The following NFIB variants were observed in gnomAD, a reference collection of about 807,000 sequenced individuals.
NFIB encodes nuclear factor I B.
NFIB carries 11 observed loss-of-function variants against 61.5 expected under a neutral mutation model. That is an observed-to-expected ratio of 0.18 (90% CI 0.11 to 0.30). The LOEUF is 0.30. NFIB is among the 10% of genes least tolerant of loss of function. The pLI is 1.00. For synonymous variants in NFIB, 260 were observed against 216.5 expected (o/e 1.20, Z -1.76); for missense variants, 471 against 608.9 (o/e 0.77, Z 2.38).
chr9:14,383,565 AG>A (rs768408080), intron 1 of NFIB, among the ~76,000 whole-genome samples: 14 of 152,290 alleles, frequency 9.2e-5, no homozygotes, highest in Non-Finnish European at 1.8e-4. Flanking sequence ...TTCCTTTATA[AG>A]GGTGGTTTAC....
At chr9:14,160,611 G>A (rs1363713068) in intron 3 of NFIB, among the ~76,000 whole-genome samples, 1 of 152,070 alleles carries the variant, frequency 6.6e-6, no homozygotes, top group Non-Finnish European at 1.5e-5. Context: ...AAAGGCATGT[G>A]AAATTTTGCA....
intron 2 of NFIB, among the ~76,000 whole-genome samples, chr9:14,200,542 T>G (rs905727710): frequency 6.6e-6 from 1 of 152,202 alleles, no homozygotes; most frequent in Admixed American, 6.5e-5. Context: ...AAAACACGAC[T>G]TGACTTTCCC....
intron 10 of NFIB, among the ~76,000 whole-genome samples, chr9:14,091,787 A>G (rs183048579): frequency 6.6e-6 from 1 of 152,138 alleles, no homozygotes; most frequent in East Asian, 1.9e-4. Context: ...GAAAAGATAT[A>G]ATTACTTTGC....
chr9:14,082,781 A>G lies in NFIB; in HGVS notation c.*5528T>C, dbSNP rs2032204805. 1 of 199,398 alleles carries G rather than the reference A, an allele frequency of 5.0e-6. No homozygotes were observed. The highest frequency in any genetic ancestry group is 1.9e-4 in the South Asian group (1 of 5,208). The allele number at this position is 199,398 out of a possible 1,614,324, so 12.4% of individuals were successfully genotyped here. A position where few individuals can be genotyped will look rare whatever the true frequency, so the allele number is the denominator to read the frequency against. ...AAAGCCATACTTCTTAAAAAAAAAA[A>G]AAAGAAAAAAAAAGACTTCCTTCTG... is the stretch of plus-strand genomic sequence containing the variant. On this transcript the variant is annotated 3_prime_UTR_variant, in exon 11 of 11. Coordinates refer to ENST00000380953, the MANE Select transcript of NFIB (RefSeq NM_001190737.2).
intron 1 of NFIB, among the ~76,000 whole-genome samples, chr9:14,309,340 G>A (rs2060177364): frequency 6.6e-6 from 1 of 152,184 alleles, no homozygotes; most frequent in South Asian, 2.1e-4. Flanking sequence ...TATGGAAGGA[G>A]TACATGTCCC....
At chr9:14,376,165 ATCCTCC>A (rs2061417037) in intron 1 of NFIB, among the ~76,000 whole-genome samples, 1 of 152,102 alleles carries the variant, frequency 6.6e-6, no homozygotes, top group South Asian at 2.1e-4. Flanking sequence ...GGCTCAAGTG[ATCCTCC>A]CACTTCAGCC....
chr9:14,327,123 CA>C (rs1461352502), intron 1 of NFIB, among the ~76,000 whole-genome samples: 1 of 151,538 alleles, frequency 6.6e-6, no homozygotes, highest in Non-Finnish European at 1.5e-5. Context: ...TAACCATTTT[CA>C]AAAAACAGAG....
At chr9:14,459,855 A>G in the NFIB span, among the ~76,000 whole-genome samples, 1 of 151,126 alleles carries the variant, frequency 6.6e-6, no homozygotes, top group Non-Finnish European at 1.5e-5. Flanking sequence ...GATCATTAAA[A>G]AGTCAGGAAA....
At chr9:14,457,517 A>C in the NFIB span, among the ~76,000 whole-genome samples, 1 of 151,918 alleles carries the variant, frequency 6.6e-6, no homozygotes, top group Non-Finnish European at 1.5e-5. Context: ...AAGATCAGAG[A>C]AGAACTGAAG....
At chr9:14,157,804 A>T (rs2043611568) in intron 3 of NFIB, among the ~76,000 whole-genome samples, 1 of 152,168 alleles carries the variant, frequency 6.6e-6, no homozygotes, top group Admixed American at 6.6e-5. Context: ...ATAGTTCATT[A>T]TACTTTATTT....
rs980240526 is a variant in NFIB at position 14,329,465 on chromosome 9, C to T, written c.109-21945G>A. On this transcript the variant is annotated intron_variant, in intron 1 of 8. Transcript: ENST00000380934. ...GTCCACATGCCAAACACCTGACCCC[C>T]CTGCAAATCCTGGGCCCACTCACAG... Among the ~76,000 whole-genome samples the T allele has an allele frequency of 3.9e-5, 6 of 152,242 alleles. No individual in the cohort carries two copies. In the South Asian group the frequency reaches 6.2e-4, roughly 16 times the overall value.
At chr9:14,193,054 A>G (rs2131570976) in intron 2 of NFIB, among the ~76,000 whole-genome samples, 1 of 152,018 alleles carries the variant, frequency 6.6e-6, no homozygotes, top group South Asian at 2.1e-4. Flanking sequence ...CACTGCCACC[A>G]TTCAGTACTA....
the NFIB span, among the ~76,000 whole-genome samples, chr9:14,501,289 G>A: frequency 6.6e-6 from 1 of 152,142 alleles, no homozygotes; most frequent in African/African-American, 2.4e-5. Context: ...GCCCTTCAAA[G>A]AAGCTGTTTT....
At chr9:14,108,286 G>C (rs1422817291) in intron 10 of NFIB, among the ~76,000 whole-genome samples, 2 of 152,036 alleles carry the variant, frequency 1.3e-5, no homozygotes, top group Admixed American at 1.3e-4. Context: ...TAGTCCACTT[G>C]TGTCCTTTTA....
the NFIB span, among the ~76,000 whole-genome samples, chr9:14,414,562 C>T: frequency 3.0e-5 from 4 of 135,084 alleles, no homozygotes; most frequent in African/African-American, 8.4e-5. Flanking sequence ...AAGTAGATGG[C>T]CTCATTTCTT....
intron 2 of NFIB, chr9:14,204,383 C>G: frequency 1.9e-6 from 2 of 1,065,714 alleles, no homozygotes; most frequent in South Asian, 2.6e-5. Context: ...ACAGGACATC[C>G]AGCCCAAAAG....
chr9:14,123,454 C>T (rs1026425144), intron 7 of NFIB, among the ~76,000 whole-genome samples: 1 of 152,144 alleles, frequency 6.6e-6, no homozygotes, highest in African/African-American at 2.4e-5. Context: ...TTTAAAAACA[C>T]CATTATAATC....
chr9:14,304,627 G>C (rs2059924828), intron 2 of NFIB, among the ~76,000 whole-genome samples: 1 of 152,174 alleles, frequency 6.6e-6, no homozygotes, highest in South Asian at 2.1e-4. Context: ...TGCTCTTTCT[G>C]CTGCAAACAT....
chr9:14,268,939 T>C (rs2057410514), intron 2 of NFIB, among the ~76,000 whole-genome samples: 10 of 152,212 alleles, frequency 6.6e-5, no homozygotes, highest in Non-Finnish European at 1.0e-4. Context: ...CTAGGTACAG[T>C]ACAACCATTT....
Sources: allele counts gnomAD v4.1 joint callset (sites outside exome capture counted in the v4.1 genomes callset), GRCh38; gene constraint gnomAD v4.1.1; transcripts MANE v1.5; gene names NCBI Gene and HGNC (gene_info 2026-07-23, HGNC 2026-07-21).